AHCYL2: variants seen among roughly 807,000 people sequenced by gnomAD.
AHCYL2 encodes S-adenosylhomocysteine hydrolase-like protein 2.
AHCYL2 carries 28 observed loss-of-function variants against 81.4 expected under a neutral mutation model. The ratio of observed to expected loss-of-function variants is 0.34; its 90% confidence interval spans 0.25 to 0.47. AHCYL2 has a LOEUF of 0.47. Among genes scored for constraint, AHCYL2 ranks in the 20% least tolerant of loss-of-function variants. AHCYL2 has a pLI of 1.00. For synonymous variants in AHCYL2, 272 were observed against 290.2 expected (o/e 0.94, Z 0.64); for missense variants, 551 against 785.1 (o/e 0.70, Z 3.56).
chr7:129,333,308 CAAAA>C (rs1181621904), intron 1 of AHCYL2, among the ~76,000 whole-genome samples: 4 of 67,498 alleles, frequency 5.9e-5, no homozygotes, highest in East Asian at 4.3e-4. Context: ...CATCTCTACC[CAAAA>C]AAAAAAAAAA....
intron 1 of AHCYL2, among the ~76,000 whole-genome samples, chr7:129,272,386 A>G (rs778348187): frequency 2.0e-5 from 3 of 152,214 alleles, no homozygotes; most frequent in Non-Finnish European, 2.9e-5. Flanking sequence ...TTGTGAGTAT[A>G]ATAAAATGGT....
chr7:129,317,670 G>A (rs1327271575), intron 1 of AHCYL2, among the ~76,000 whole-genome samples: 2 of 152,184 alleles, frequency 1.3e-5, no homozygotes, highest in Non-Finnish European at 2.9e-5. Flanking sequence ...AGTGCTTTCA[G>A]TGTTCATGGG....
intron 1 of AHCYL2, among the ~76,000 whole-genome samples, chr7:129,230,298 G>T (rs1794381797): frequency 6.6e-6 from 1 of 151,602 alleles, no homozygotes; most frequent in East Asian, 1.9e-4. Context: ...TAGCCAGGGT[G>T]GTCTCGATCT....
In AHCYL2 at chr7:129,249,552, A is replaced by C. The variant is rs541514603; in HGVS notation, c.363+24113A>C. The stretch of plus-strand genomic sequence containing the variant: ...GCCATTCTCCTGCCTCAGCCTCCCG[A>C]GTAGCTGGGACTACAGGCGCCCGCC... On this transcript the variant is annotated intron_variant, in intron 1 of 16. Transcript: ENST00000325006. Among the ~76,000 whole-genome samples, 729 of 151,964 alleles carry C rather than the reference A, an allele frequency of 4.8e-3. 6 individuals are homozygous for C. Among genetic ancestry groups the C allele is most frequent in the African/African-American group, 0.017 (700 of 41,444 alleles).
intron 1 of AHCYL2, among the ~76,000 whole-genome samples, chr7:129,313,129 A>C (rs1384923855): frequency 6.6e-6 from 1 of 152,240 alleles, no homozygotes; most frequent in Non-Finnish European, 1.5e-5. Flanking sequence ...ACAGTCCCTA[A>C]TACACAGTAA....
chr7:129,283,764 C>T (rs1763318516), intron 1 of AHCYL2, among the ~76,000 whole-genome samples: 2 of 152,122 alleles, frequency 1.3e-5, no homozygotes, highest in Non-Finnish European at 2.9e-5. Context: ...GGTCTGAACT[C>T]AGCATCACTA....
intron 1 of AHCYL2, chr7:129,375,541 G>A (rs1426669018): frequency 3.0e-6 from 3 of 1,004,038 alleles, no homozygotes; most frequent in Non-Finnish European, 3.7e-6. Context: ...CATGCAAGTT[G>A]GGCCTTGTCA....
intron 1 of AHCYL2, among the ~76,000 whole-genome samples, chr7:129,236,084 C>T (rs199683701): frequency 6.7e-6 from 1 of 149,810 alleles, no homozygotes; most frequent in East Asian, 2.0e-4. Context: ...TGCAATGGCA[C>T]GGTCTCAGCT....
chr7:129,355,253 T>G (rs1793698148), intron 1 of AHCYL2, among the ~76,000 whole-genome samples: 1 of 151,644 alleles, frequency 6.6e-6, no homozygotes, highest in South Asian at 2.1e-4. Context: ...TGTGTAAAAT[T>G]GTCCCCAGGT....
At chr7:129,329,396 T>G (rs1798340660) in intron 1 of AHCYL2, among the ~76,000 whole-genome samples, 2 of 152,124 alleles carry the variant, frequency 1.3e-5, no homozygotes, top group Middle Eastern at 3.4e-3. Flanking sequence ...TCGCCCAGAC[T>G]GGTCTCAAAC....
intron 1 of AHCYL2, among the ~76,000 whole-genome samples, chr7:129,344,357 TA>T (rs1223434167): frequency 2.0e-5 from 3 of 152,126 alleles, no homozygotes; most frequent in African/African-American, 7.2e-5. Flanking sequence ...TGTCCATCAA[TA>T]AATGAATGGA....
chr7:129,403,064 C>G (rs1483635258), intron 6 of AHCYL2, among the ~76,000 whole-genome samples: 1 of 152,036 alleles, frequency 6.6e-6, no homozygotes, highest in African/African-American at 2.4e-5. Flanking sequence ...GGCCTAGTAA[C>G]TACAAGTTAC....
chr7:129,395,171 A>G (rs968085029), intron 4 of AHCYL2, among the ~76,000 whole-genome samples: 4 of 152,200 alleles, frequency 2.6e-5, no homozygotes, highest in African/African-American at 9.6e-5. Context: ...GAGGTTACCA[A>G]AGGACATTCC....
rs570540068 is a variant in AHCYL2, at chr7:129,334,067, T to A, written c.364-45571T>A. On this transcript the variant is annotated intron_variant, in intron 1 of 16. Transcript: ENST00000325006. ...ATAATATTCTGTTGTTGGATGTACCTCAGTTTATGCCATCAGAACCCTGTT... is the reference window on the plus strand; with the variant it reads ...ATAATATTCTGTTGTTGGATGTACCACAGTTTATGCCATCAGAACCCTGTT... 1.4e-3 allele frequency among the ~76,000 whole-genome samples: 216 copies of A among 152,306 alleles called. 2 individuals carry two copies. The South Asian group carries it at 0.022, about 16-fold the overall frequency.
chr7:129,315,033 A>C (rs1378288255), intron 1 of AHCYL2, among the ~76,000 whole-genome samples: 6 of 152,122 alleles, frequency 3.9e-5, no homozygotes, highest in African/African-American at 7.2e-5. Flanking sequence ...AAAGCACATC[A>C]TACAGCACCT....
At chr7:129,259,031 G>A (rs568822923) in intron 1 of AHCYL2, among the ~76,000 whole-genome samples, 1 of 152,246 alleles carries the variant, frequency 6.6e-6, no homozygotes, top group African/African-American at 2.4e-5. Context: ...AGTTTTCTGA[G>A]AAACTAACAC....
chr7:129,241,599 T>A (rs1036238420), intron 1 of AHCYL2, among the ~76,000 whole-genome samples: 6 of 151,966 alleles, frequency 3.9e-5, no homozygotes, highest in Admixed American at 6.6e-5. Flanking sequence ...TCAAAAAAAA[T>A]AAAATAAAAT....
In AHCYL2 at chr7:129,373,320, C is replaced by T. The variant is rs113066527; in HGVS notation, c.364-6318C>T. Among the ~76,000 whole-genome samples the T allele has an allele frequency of 7.3e-3, 1,113 of 151,970 alleles. 16 individuals are homozygous for T. Among genetic ancestry groups the T allele is most frequent in the African/African-American group, 0.022 (906 of 41,428 alleles). On this transcript the variant is annotated intron_variant, in intron 1 of 16. Transcript: ENST00000325006. Reference sequence around the variant, plus strand: ...CAGCACTTTGGGAGGCCGAGGTGGGCGGATCACGAGGTCAGGAGATCGAGA... The same window carrying T: ...CAGCACTTTGGGAGGCCGAGGTGGGTGGATCACGAGGTCAGGAGATCGAGA...
chr7:129,305,183 C>T (rs569824089), intron 1 of AHCYL2, among the ~76,000 whole-genome samples: 11 of 152,168 alleles, frequency 7.2e-5, no homozygotes, highest in Admixed American at 2.6e-4. Context: ...ATACTTAGGC[C>T]GGGCATGGTG....
Sources: allele counts gnomAD v4.1 joint callset (sites outside exome capture counted in the v4.1 genomes callset), GRCh38; gene constraint gnomAD v4.1.1; transcripts MANE v1.5; gene names NCBI Gene and HGNC (gene_info 2026-07-23, HGNC 2026-07-21).